Variants in ANKRD17 observed in about 807,000 individuals in gnomAD.
The protein encoded by ANKRD17 is ankyrin repeat domain 17.
In ANKRD17, 19 loss-of-function variants were observed where a neutral mutation model predicts 229.7. That is an observed-to-expected ratio of 0.08 (90% CI 0.06 to 0.12). ANKRD17 has a LOEUF of 0.12. ANKRD17 is among the 10% of genes least tolerant of loss of function. The probability of loss-of-function intolerance (pLI) is 1.00; values close to 1 mark genes in which losing one functional copy is unlikely to be tolerated. For synonymous variants in ANKRD17, 1,112 were observed against 1,146.1 expected (o/e 0.97, Z 0.60); for missense variants, 2,176 against 3,176.8 (o/e 0.68, Z 7.57).
intron 24 of ANKRD17, among the ~76,000 whole-genome samples, chr4:73,106,451 G>A (rs888585980): frequency 2.6e-5 from 4 of 152,112 alleles, no homozygotes; most frequent in African/African-American, 4.8e-5. Flanking sequence ...GGATATGTGA[G>A]AAGTAGCAAA....
At chr4:73,131,752 G>A (rs1728231471) in intron 16 of ANKRD17, among the ~76,000 whole-genome samples, 1 of 152,110 alleles carries the variant, frequency 6.6e-6, no homozygotes, top group African/African-American at 2.4e-5. Context: ...TCCTCAAATG[G>A]AAAATGTAAT....
chr4:73,129,909 C>G (rs1321333215), intron 16 of ANKRD17, among the ~76,000 whole-genome samples: 21 of 151,636 alleles, frequency 1.4e-4, no homozygotes, highest in Non-Finnish European at 3.1e-4. Context: ...ACTACAGGTG[C>G]CTGCCACCAC....
chr4:73,211,927 A>C (rs946818092), intron 1 of ANKRD17, among the ~76,000 whole-genome samples: 2 of 152,140 alleles, frequency 1.3e-5, no homozygotes, highest in African/African-American at 4.8e-5. Context: ...TGGTACAACT[A>C]AATTTTAGAG....
chr4:73,164,289 A>T (rs974218689), intron 2 of ANKRD17, among the ~76,000 whole-genome samples: 2 of 152,194 alleles, frequency 1.3e-5, no homozygotes, highest in African/African-American at 4.8e-5. Flanking sequence ...CCACTGTTTT[A>T]AAAAAATCTC....
chr4:73,139,712 G>C lies in ANKRD17; in HGVS notation c.2904C>G (p.Pro968=). The change falls in exon 15 of 34, where the codon CCC becomes CCG. Residue 968 remains proline (P), a synonymous_variant. Coordinates refer to ENST00000358602, the MANE Select transcript of ANKRD17 (RefSeq NM_032217.5). ...GATTTGCGATGGACCCTGGAGGCAAGGGACCTGCCGCCAGAGGCAAAGCTT... is the reference window on the plus strand; with the variant it reads ...GATTTGCGATGGACCCTGGAGGCAACGGACCTGCCGCCAGAGGCAAAGCTT... ...MPQALPLAAG[P]LPPGSIANLT... is the part of the protein sequence containing the mutation. 1 of 1,614,174 alleles carries C rather than the reference G, an allele frequency of 6.2e-7. No homozygotes were observed. Among genetic ancestry groups the C allele is most frequent in the Non-Finnish European group, 8.5e-7 (1 of 1,180,028 alleles).
intron 16 of ANKRD17, among the ~76,000 whole-genome samples, chr4:73,128,135 G>T (rs1727717449): frequency 6.6e-6 from 1 of 152,188 alleles, no homozygotes; most frequent in African/African-American, 2.4e-5. Context: ...TTTATAGGAA[G>T]AAATTATATC....
intron 1 of ANKRD17, among the ~76,000 whole-genome samples, chr4:73,256,760 G>A (rs538669833): frequency 3.6e-4 from 55 of 152,282 alleles, no homozygotes; most frequent in Non-Finnish European, 5.3e-4. Flanking sequence ...TGCCGCCAGA[G>A]CAACACACTA....
intron 11 of ANKRD17, among the ~76,000 whole-genome samples, chr4:73,143,565 A>C (rs1440086778): frequency 1.3e-5 from 2 of 152,254 alleles, no homozygotes; most frequent in Non-Finnish European, 2.9e-5. Flanking sequence ...CTATATATTC[A>C]TAACAGTATT....
chr4:73,116,399 A>C (rs1214085197), intron 22 of ANKRD17, among the ~76,000 whole-genome samples: 1 of 152,190 alleles, frequency 6.6e-6, no homozygotes, highest in East Asian at 1.9e-4. Flanking sequence ...ATGAAGAATA[A>C]GCTATGATTA....
At chr4:73,229,797 T>A (rs1429926604) in intron 1 of ANKRD17, among the ~76,000 whole-genome samples, 2 of 152,136 alleles carry the variant, frequency 1.3e-5, no homozygotes, top group Non-Finnish European at 2.9e-5. Flanking sequence ...GAAAAGATGC[T>A]TCTGCCAGAA....
rs533430776 is a variant in ANKRD17, at chr4:73,206,835, T to C, written c.394-29302A>G. On this transcript the variant is annotated intron_variant, in intron 1 of 33. Coordinates refer to ENST00000358602, the MANE Select transcript of ANKRD17 (RefSeq NM_032217.5). ...TTTGCTAAGAGAATAGATTTTTTTT[T>C]CCCCCAAGACAGAGTTTCACTCTTA... 7.9e-3 allele frequency among the ~76,000 whole-genome samples: 1,201 copies of C among 152,190 alleles called. 12 individuals carry two copies. The highest frequency in any genetic ancestry group is 0.027 in the African/African-American group (1,140 of 41,522).
chr4:73,113,761 G>A (rs1295242682), intron 24 of ANKRD17, 31 bp downstream of exon 24: 1 of 1,443,136 alleles, frequency 6.9e-7, no homozygotes, highest in Admixed American at 1.7e-5. Flanking sequence ...GAAAAAAGTG[G>A]GTAGTTTTCA....
chr4:73,246,161 T>C (rs1290436797), intron 1 of ANKRD17, among the ~76,000 whole-genome samples: 1 of 152,120 alleles, frequency 6.6e-6, no homozygotes, highest in Non-Finnish European at 1.5e-5. Flanking sequence ...TAGAGGAAAA[T>C]CAGTATAACC....
rs1417151939 is a variant in ANKRD17 at position 73,121,747 on chromosome 4, A to G, written c.3505T>C (p.Leu1169=). 2 of 1,600,800 alleles carry G rather than the reference A, an allele frequency of 1.2e-6. No individual in the cohort carries two copies. Among genetic ancestry groups the G allele is most frequent in the Middle Eastern group, 1.7e-4 (1 of 5,966 alleles). Residue 1169 remains leucine, a synonymous_variant, in exon 19 of 34, where the codon TTG becomes CTG. Coordinates refer to ENST00000358602, the MANE Select transcript of ANKRD17 (RefSeq NM_032217.5). ...SGGRQEVVEL[L]LARGANKEHR... ...TCTTTATTTGCCCCTCGAGCTAACA[A>G]TAGCTCCACCACCTGAAAATAAAAT... is the stretch of plus-strand genomic sequence containing the variant.
intron 18 of ANKRD17, 33 bp downstream of exon 18, chr4:73,124,880 A>C: frequency 6.2e-7 from 1 of 1,601,958 alleles, no homozygotes; most frequent in South Asian, 1.1e-5. Flanking sequence ...TAAACAGAGA[A>C]AGGAAAACAA....
rs1175850592 is a variant in ANKRD17, at chr4:73,110,011, CAAAAAAA to C, written c.4401+3774_4401+3780del. On this transcript the variant is annotated intron_variant, in intron 24 of 33. Transcript: ENST00000358602. ...ATTACCTAGCTCCCTAAAAGTTTAC[CAAAAAAA>C]AAAAAAAAAAAAAAAAAGGTAGAGG... Among the ~76,000 whole-genome samples the C allele has an allele frequency of 3.0e-4, 10 of 33,218 alleles. 1 individual carries two copies. Among genetic ancestry groups the C allele is most frequent in the South Asian group, 1.6e-3 (1 of 620 alleles). 21.8% of individuals were successfully genotyped at this position (33,218 alleles called of 152,430 possible).
intron 30 of ANKRD17, among the ~76,000 whole-genome samples, chr4:73,082,136 A>G (rs1265128579): frequency 1.4e-5 from 2 of 143,052 alleles, no homozygotes; most frequent in Non-Finnish European, 3.0e-5. Flanking sequence ...GGCAACAGAG[A>G]GATACATTAT....
At chr4:73,115,026 T>C (rs1578092840) in intron 23 of ANKRD17, among the ~76,000 whole-genome samples, 1 of 152,198 alleles carries the variant, frequency 6.6e-6, no homozygotes, top group African/African-American at 2.4e-5. Context: ...GCAAAATTCC[T>C]AGCCAATTCA....
intron 1 of ANKRD17, among the ~76,000 whole-genome samples, chr4:73,243,858 A>G (rs905601619): frequency 6.6e-6 from 1 of 152,226 alleles, no homozygotes; most frequent in Non-Finnish European, 1.5e-5. Flanking sequence ...AAAGGAAGTT[A>G]CCTATGCTGA....
Sources: allele counts gnomAD v4.1 joint callset (sites outside exome capture counted in the v4.1 genomes callset), GRCh38; gene constraint gnomAD v4.1.1; transcripts MANE v1.5; gene names NCBI Gene and HGNC (gene_info 2026-07-23, HGNC 2026-07-21).